Variants in SLIT3 observed in about 807,000 individuals in gnomAD.
SLIT3 encodes the protein slit homolog 3 protein.
Under a neutral mutation model 184.0 loss-of-function variants are expected in SLIT3, and 68 were observed. The observed-to-expected ratio is 0.37, with a 90% CI of 0.30 to 0.45. The LOEUF is 0.45. Among genes scored for constraint, SLIT3 ranks in the 20% least tolerant of loss-of-function variants. The pLI is 1.00. For synonymous variants in SLIT3, 831 were observed against 828.6 expected (o/e 1.00, Z -0.05); for missense variants, 1,707 against 2,026.0 (o/e 0.84, Z 3.02).
intron 4 of SLIT3, among the ~76,000 whole-genome samples, chr5:169,140,921 C>A (rs1029300709): frequency 6.6e-6 from 1 of 152,216 alleles, no homozygotes; most frequent in African/African-American, 2.4e-5. Context: ...GGCCATCACC[C>A]TACAGTAGAA....
At chr5:169,284,231 AG>A (rs963190237) in intron 1 of SLIT3, among the ~76,000 whole-genome samples, 4 of 152,230 alleles carry the variant, frequency 2.6e-5, no homozygotes, top group African/African-American at 9.6e-5. Context: ...GGGGATCTCT[AG>A]GGTCAAAAGC....
At chr5:169,210,111 A>G (rs1764211456) in intron 3 of SLIT3, among the ~76,000 whole-genome samples, 1 of 152,180 alleles carries the variant, frequency 6.6e-6, no homozygotes, top group South Asian at 2.1e-4. Flanking sequence ...CACAAAACAC[A>G]GAAGCTGTGG....
At chr5:168,798,241 AGAGACAG>A (rs1269159162) in intron 9 of SLIT3, among the ~76,000 whole-genome samples, 1 of 36,510 alleles carries the variant, frequency 2.7e-5, no homozygotes, top group Non-Finnish European at 5.0e-5. Context: ...TTTTTTTTTA[AGAGACAG>A]AGTCTTGCTC....
chr5:168,755,590 A>G (rs1042988731), intron 16 of SLIT3, among the ~76,000 whole-genome samples: 1 of 151,790 alleles, frequency 6.6e-6, no homozygotes, highest in Admixed American at 6.6e-5. Context: ...GCCTGCCACC[A>G]TGCCCTGCTA....
At chr5:168,720,285 C>T (rs1048367323) in intron 23 of SLIT3, 2 of 152,194 alleles carry the variant, frequency 1.3e-5, no homozygotes, top group African/African-American at 4.8e-5. Context: ...CGCTGATGAA[C>T]TCATGGCAGT....
intron 4 of SLIT3, among the ~76,000 whole-genome samples, chr5:168,955,579 A>T (rs929733982): frequency 6.6e-6 from 1 of 152,154 alleles, no homozygotes; most frequent in African/African-American, 2.4e-5. Flanking sequence ...CCTGGTGGAC[A>T]CACTCCAGTA....
chr5:168,683,949 G>C lies in SLIT3; in HGVS notation c.3686+17C>G, dbSNP rs1485496479. On this transcript the variant is annotated intron_variant, in intron 32 of 35. Coordinates refer to ENST00000519560, the MANE Select transcript of SLIT3 (RefSeq NM_003062.4). ...CGGAGGAACACACAGTGGGTCAGGA[G>C]GGAGAGAGGCCCTTACCTGTACACT... The C allele has an allele frequency of 6.7e-7, 1 of 1,501,590 alleles. No individual in the cohort carries two copies. Among genetic ancestry groups the C allele is most frequent in the African/African-American group, 1.4e-5 (1 of 71,008 alleles). 93.0% of individuals were successfully genotyped at this position (1,501,590 alleles called of 1,614,324 possible).
chr5:169,184,705 A>T (rs901715906), intron 4 of SLIT3, among the ~76,000 whole-genome samples: 1 of 152,142 alleles, frequency 6.6e-6, no homozygotes, highest in Non-Finnish European at 1.5e-5. Context: ...CTTTCAAGAT[A>T]TTTGTTTCTA....
At chr5:168,691,839 C>T (rs1418346578) in intron 29 of SLIT3, among the ~76,000 whole-genome samples, 1 of 152,176 alleles carries the variant, frequency 6.6e-6, no homozygotes, top group Admixed American at 6.5e-5. Flanking sequence ...TGTCAGAAAA[C>T]CCCCAGTCTC....
chr5:169,050,745 T>C (rs1757788103), intron 4 of SLIT3, among the ~76,000 whole-genome samples: 1 of 152,130 alleles, frequency 6.6e-6, no homozygotes, highest in African/African-American at 2.4e-5. Flanking sequence ...CTGCCAACTG[T>C]AACGTGTAGA....
intron 4 of SLIT3, among the ~76,000 whole-genome samples, chr5:169,093,139 G>A (rs955902273): frequency 6.6e-6 from 1 of 152,128 alleles, no homozygotes; most frequent in Non-Finnish European, 1.5e-5. Context: ...AAATTATGAG[G>A]GTTAACAGGA....
At chr5:169,134,025 G>A (rs1457754241) in intron 4 of SLIT3, among the ~76,000 whole-genome samples, 1 of 152,160 alleles carries the variant, frequency 6.6e-6, no homozygotes, top group Non-Finnish European at 1.5e-5. Flanking sequence ...AGATGCAAAT[G>A]TTTCATTAAT....
intron 20 of SLIT3, among the ~76,000 whole-genome samples, chr5:168,728,135 C>G (rs1763191839): frequency 6.6e-6 from 1 of 152,014 alleles, no homozygotes; most frequent in African/African-American, 2.4e-5. Flanking sequence ...AACTTCACCA[C>G]CACCTCAACT....
intron 1 of SLIT3, among the ~76,000 whole-genome samples, chr5:169,270,543 T>C (rs1003571770): frequency 6.6e-6 from 1 of 152,208 alleles, no homozygotes; most frequent in Admixed American, 6.5e-5. Context: ...ACATTGTCTA[T>C]GGCTGCCTTC....
intron 12 of SLIT3, among the ~76,000 whole-genome samples, chr5:168,785,005 C>T (rs1369645286): frequency 6.6e-6 from 1 of 152,070 alleles, no homozygotes; most frequent in South Asian, 2.1e-4. Context: ...CATACCTATT[C>T]TGCTGTGTGA....
chr5:169,234,991 A>C (rs1205003143), intron 3 of SLIT3, among the ~76,000 whole-genome samples: 1 of 152,228 alleles, frequency 6.6e-6, no homozygotes, highest in East Asian at 1.9e-4. Context: ...GTTTATTAGA[A>C]CATATTTTGT....
chr5:168,880,812 C>T (rs1374191168), intron 5 of SLIT3, among the ~76,000 whole-genome samples: 1 of 152,242 alleles, frequency 6.6e-6, no homozygotes, highest in Non-Finnish European at 1.5e-5. Flanking sequence ...GCTACATTGC[C>T]TAAAGCTGTC....
chr5:168,977,093 G>T (rs1001319333), intron 4 of SLIT3, among the ~76,000 whole-genome samples: 1 of 152,166 alleles, frequency 6.6e-6, no homozygotes, highest in African/African-American at 2.4e-5. Flanking sequence ...GAAGACAAGT[G>T]ACGATTAGAA....
intron 32 of SLIT3, among the ~76,000 whole-genome samples, chr5:168,680,006 C>T (rs1761533697): frequency 6.6e-6 from 1 of 152,208 alleles, no homozygotes; most frequent in African/African-American, 2.4e-5. Context: ...TTAAAATGGC[C>T]AACACTCAAA....
Sources: gnomAD v4.1 joint callset for allele counts (sites outside exome capture counted in the v4.1 genomes callset) on GRCh38, gnomAD v4.1.1 for gene constraint, MANE v1.5 for transcripts, NCBI Gene and HGNC (gene_info 2026-07-23, HGNC 2026-07-21) for gene names.